ATP8B4: variants seen among roughly 807,000 people sequenced by gnomAD.
ATP8B4 encodes the protein probable phospholipid-transporting ATPase IM.
ATP8B4 carries 133 observed loss-of-function variants against 145.6 expected under a neutral mutation model. The ratio of observed to expected loss-of-function variants is 0.91; its 90% CI spans 0.79 to 1.05. The LOEUF (loss-of-function observed/expected upper bound fraction) is 1.05. Among genes scored for constraint, ATP8B4 ranks in the 50% least tolerant of loss-of-function variants. The pLI is 0.00. For synonymous variants in ATP8B4, 507 were observed against 492.9 expected, an observed-to-expected ratio of 1.03 and a Z score of -0.38; for missense variants, 1,458 against 1,425.2, an observed-to-expected ratio of 1.02 and a Z score of -0.37.
At chr15:49,891,321 TTTGTTTG>T (rs1460435412) in intron 23 of ATP8B4, among the ~76,000 whole-genome samples, 1 of 151,642 alleles carries the variant, frequency 6.6e-6, no homozygotes, top group Non-Finnish European at 1.5e-5. Flanking sequence ...TACAAGTTTG[TTTGTTTG>T]TTGTTTGTTT....
chr15:50,167,636 G>A (rs948126339), intron 1 of ATP8B4, among the ~76,000 whole-genome samples: 2 of 152,070 alleles, frequency 1.3e-5, no homozygotes, highest in Non-Finnish European at 1.5e-5. Flanking sequence ...GGAGGGCAGC[G>A]CGAGACACAT....
intron 2 of ATP8B4, among the ~76,000 whole-genome samples, chr15:50,091,296 T>C (rs1201141095): frequency 6.6e-6 from 1 of 152,174 alleles, no homozygotes. Context: ...GCTTACCCCA[T>C]ATGTCAGATT....
chr15:49,937,872 A>G (rs1214456465), intron 14 of ATP8B4, among the ~76,000 whole-genome samples: 1 of 152,154 alleles, frequency 6.6e-6, no homozygotes, highest in East Asian at 1.9e-4. Context: ...TTTATCATGC[A>G]CCTACTGTGG....
intron 1 of ATP8B4, among the ~76,000 whole-genome samples, chr15:50,157,400 C>T (rs1233654341): frequency 6.6e-6 from 1 of 152,180 alleles, no homozygotes; most frequent in Non-Finnish European, 1.5e-5. Context: ...TATTGTACAC[C>T]AGATCTAAGA....
chr15:50,093,213 A>C (rs1447337150), intron 2 of ATP8B4, among the ~76,000 whole-genome samples: 1 of 152,096 alleles, frequency 6.6e-6, no homozygotes, highest in African/African-American at 2.4e-5. Context: ...AGGAAGTCTT[A>C]AGAAAGAAGA....
chr15:49,864,248 G>A (rs758660174), intron 26 of ATP8B4, among the ~76,000 whole-genome samples: 6 of 152,166 alleles, frequency 3.9e-5, no homozygotes, highest in East Asian at 1.9e-4. Context: ...AAGTGTATGC[G>A]TGAATTTAAA....
rs1431029122 is a variant in ATP8B4, at chr15:49,931,168, T to A, written c.1593A>T (p.Leu531Phe). The A allele has an allele frequency of 1.2e-6, 2 of 1,612,378 alleles. No individual in the cohort carries two copies. Among genetic ancestry groups the A allele is most frequent in the African/African-American group, 2.7e-5 (2 of 74,806 alleles). Residue 531 changes from leucine (L) to phenylalanine (F), a missense_variant, in exon 16 of 28, where the codon TTA (leucine) becomes TTT (phenylalanine). Coordinates refer to ENST00000284509, the MANE Select transcript of ATP8B4 (RefSeq NM_024837.4). Reference sequence around the variant, plus strand: ...TGTTGTTGAAATCCAAAAAGGCAAGTAATTGATAAGTAACTAGTGTTCCCA... The same window carrying A: ...TGTTGTTGAAATCCAAAAAGGCAAGAAATTGATAAGTAACTAGTGTTCCCA... ...EELGTLVTYQ[L>F]LAFLDFNNTR...
At chr15:50,168,050 G>C (rs563481594) in intron 1 of ATP8B4, among the ~76,000 whole-genome samples, 1 of 152,054 alleles carries the variant, frequency 6.6e-6, no homozygotes, top group East Asian at 1.9e-4. Flanking sequence ...ACAATAAAAA[G>C]CTGAAGTAGA....
At chr15:49,987,349 G>A in intron 10 of ATP8B4, 42 bp downstream of exon 10, 2 of 1,597,614 alleles carry the variant, frequency 1.3e-6, no homozygotes, top group Non-Finnish European at 1.7e-6. Flanking sequence ...GTACGTTGCA[G>A]GAAAGGTTCC....
chr15:50,025,091 A>G (rs866567655), intron 6 of ATP8B4, among the ~76,000 whole-genome samples: 37 of 152,218 alleles, frequency 2.4e-4, no homozygotes, highest in African/African-American at 8.7e-4. Flanking sequence ...TTTGCCCACT[A>G]TCATGTAATT....
intron 21 of ATP8B4, among the ~76,000 whole-genome samples, chr15:49,900,803 A>T (rs953443406): frequency 6.6e-6 from 1 of 152,170 alleles, no homozygotes; most frequent in Admixed American, 6.5e-5. Flanking sequence ...CTAGAAAGGC[A>T]CTTAAATAAT....
chr15:49,923,857 G>C (rs975289911), intron 16 of ATP8B4, among the ~76,000 whole-genome samples: 17 of 152,104 alleles, frequency 1.1e-4, no homozygotes, highest in African/African-American at 3.6e-4. Context: ...CCTGTCTCCT[G>C]GTGTGAAATT....
chr15:49,955,624 A>G (rs2043491521), intron 14 of ATP8B4, among the ~76,000 whole-genome samples: 1 of 152,214 alleles, frequency 6.6e-6, no homozygotes, highest in Non-Finnish European at 1.5e-5. Context: ...AGCAACCTAA[A>G]TGTCCATGAA....
chr15:49,930,876 T>G lies in ATP8B4; in HGVS notation c.1642+243A>C, dbSNP rs542548738. Reference sequence around the variant, plus strand: ...TTTTAAAATTTTTTTATATTTTTATTGATACATTGTACATACTCATATAAG... The same window carrying G: ...TTTTAAAATTTTTTTATATTTTTATGGATACATTGTACATACTCATATAAG... On this transcript the variant is annotated intron_variant, in intron 16 of 27. Coordinates refer to ENST00000284509, the MANE Select transcript of ATP8B4 (RefSeq NM_024837.4). Among the ~76,000 whole-genome samples the G allele has an allele frequency of 1.4e-4, 21 of 152,242 alleles. No homozygotes were observed. The South Asian group carries it at 4.3e-3, about 32-fold the overall frequency.
intron 1 of ATP8B4, among the ~76,000 whole-genome samples, chr15:50,154,838 C>T: frequency 6.6e-6 from 1 of 152,046 alleles, no homozygotes; most frequent in East Asian, 1.9e-4. Flanking sequence ...CCATGCCCAG[C>T]TAACTTTTGT....
chr15:50,153,470 C>T (rs1003486998), intron 1 of ATP8B4, among the ~76,000 whole-genome samples: 7 of 152,080 alleles, frequency 4.6e-5, no homozygotes, highest in Non-Finnish European at 7.4e-5. Flanking sequence ...TCCTGAGTAG[C>T]GGGAACTACA....
chr15:50,107,682 T>C (rs1176577147), intron 1 of ATP8B4, among the ~76,000 whole-genome samples: 1 of 152,036 alleles, frequency 6.6e-6, no homozygotes, highest in East Asian at 1.9e-4. Flanking sequence ...TGCAAACACA[T>C]GACAGTGCAG....
At chr15:50,151,611 T>C (rs762199625) in intron 1 of ATP8B4, among the ~76,000 whole-genome samples, 4 of 152,094 alleles carry the variant, frequency 2.6e-5, no homozygotes, top group Non-Finnish European at 5.9e-5. Context: ...AGTAGCTTGA[T>C]GTAGTGGCAC....
intron 3 of ATP8B4, among the ~76,000 whole-genome samples, chr15:50,068,300 G>C (rs1414413704): frequency 6.6e-6 from 1 of 152,150 alleles, no homozygotes; most frequent in Non-Finnish European, 1.5e-5. Context: ...CTGGGGGTTG[G>C]AGGTACTCAA....
Sources: allele counts gnomAD v4.1 joint callset (sites outside exome capture counted in the v4.1 genomes callset), GRCh38; gene constraint gnomAD v4.1.1; transcripts MANE v1.5; gene names NCBI Gene and HGNC (gene_info 2026-07-23, HGNC 2026-07-21).